GPR158: variants seen among roughly 807,000 people sequenced by gnomAD.
GPR158 encodes metabotropic glycine receptor.
A neutral mutation model predicts 78.2 loss-of-function variants in GPR158; 30 were observed. The observed-to-expected ratio is 0.38, with a 90% confidence interval of 0.29 to 0.52. The LOEUF (loss-of-function observed/expected upper bound fraction) is 0.52, where lower values mean the gene tolerates loss of function less well. GPR158 is among the 20% of genes least tolerant of loss of function. The pLI is 0.83. For synonymous variants in GPR158, 581 were observed against 591.1 expected, an observed-to-expected ratio of 0.98 and a Z score of 0.25; for missense variants, 1,463 against 1,523.5, an observed-to-expected ratio of 0.96 and a Z score of 0.66.
rs140936358 is a variant in GPR158 at position 25,326,862 on chromosome 10, G to T, written c.1009-69049G>T. On this transcript the variant is annotated intron_variant, in intron 2 of 10. Coordinates refer to ENST00000376351, the MANE Select transcript of GPR158 (RefSeq NM_020752.3). ...ACATTGTGCACTGTAAATACAGATG[G>T]TCACTGACGATTATTTGACTTATGG... is the stretch of plus-strand genomic sequence containing the variant. Among the ~76,000 whole-genome samples, 5 of 152,208 alleles carry T rather than the reference G, an allele frequency of 3.3e-5. No homozygotes were observed. In the East Asian group the frequency reaches 9.7e-4, roughly 29 times the overall value.
At chr10:25,366,613 CTTAG>C (rs1359195157) in intron 2 of GPR158, among the ~76,000 whole-genome samples, 6 of 151,548 alleles carry the variant, frequency 4.0e-5, no homozygotes, top group Non-Finnish European at 5.9e-5. Context: ...ATATACAATA[CTTAG>C]TTAATTAATG....
At chr10:25,452,907 A>C (rs1279755452) in intron 4 of GPR158, among the ~76,000 whole-genome samples, 1 of 152,180 alleles carries the variant, frequency 6.6e-6, no homozygotes, top group Non-Finnish European at 1.5e-5. Flanking sequence ...TAGCCCCTGC[A>C]GCCACCATTC....
intron 4 of GPR158, among the ~76,000 whole-genome samples, chr10:25,437,606 C>A (rs1361633): frequency 0.7 from 106,408 of 152,064 alleles, 38,232 homozygotes; most frequent in Non-Finnish European, 0.8. Flanking sequence ...AATATTAGAT[C>A]ATGCCCTAAC....
At chr10:25,221,268 T>C (rs1422703401) in intron 2 of GPR158, 111 bp downstream of exon 2, 2 of 608,390 alleles carry the variant, frequency 3.3e-6, no homozygotes, top group African/African-American at 1.9e-5. Flanking sequence ...AGAAAATCTA[T>C]GTAGGTCTCA....
rs148627110 is a variant in GPR158 at position 25,513,334 on chromosome 10, G to T, written c.1405-37642G>T. 3.5e-3 allele frequency among the ~76,000 whole-genome samples: 531 copies of T among 151,838 alleles called. 3 individuals carry two copies. Among genetic ancestry groups the T allele is most frequent in the African/African-American group, 0.012 (490 of 41,472 alleles). ...TTCTAGTTTTTGTGCATTCATAGTA[G>T]CCTTGAATGATCTTTTGTATTTCTG... On this transcript the variant is annotated intron_variant, in intron 5 of 10. Coordinates refer to ENST00000376351, the MANE Select transcript of GPR158 (RefSeq NM_020752.3).
intron 6 of GPR158, among the ~76,000 whole-genome samples, chr10:25,571,891 C>T (rs1342596539): frequency 6.6e-6 from 1 of 152,046 alleles, no homozygotes; most frequent in Non-Finnish European, 1.5e-5. Context: ...AATGCAATGG[C>T]CTTAGTCTAC....
chr10:25,426,569 T>TGG (rs1331846313), intron 4 of GPR158, among the ~76,000 whole-genome samples: 4 of 151,912 alleles, frequency 2.6e-5, no homozygotes, highest in African/African-American at 9.7e-5. Flanking sequence ...GGCCCAAGGA[T>TGG]GGGGAGAGGT....
At chr10:25,486,984 G>A (rs1301343906) in intron 5 of GPR158, among the ~76,000 whole-genome samples, 1 of 152,126 alleles carries the variant, frequency 6.6e-6, no homozygotes, top group Admixed American at 6.6e-5. Context: ...AGCAAATAAA[G>A]TGAATGTCTG....
At chr10:25,566,356 C>T (rs998730020) in intron 6 of GPR158, among the ~76,000 whole-genome samples, 3 of 152,102 alleles carry the variant, frequency 2.0e-5, no homozygotes, top group Non-Finnish European at 4.4e-5. Flanking sequence ...TTATTCATCC[C>T]GGACCGAAGT....
chr10:25,247,678 G>A (rs1225667540), intron 2 of GPR158, among the ~76,000 whole-genome samples: 1 of 150,700 alleles, frequency 6.6e-6, no homozygotes, highest in Non-Finnish European at 1.5e-5. Context: ...GTATTCCATG[G>A]TGTATATGTG....
At chr10:25,495,742 C>T (rs1588887139) in intron 5 of GPR158, among the ~76,000 whole-genome samples, 1 of 152,124 alleles carries the variant, frequency 6.6e-6, no homozygotes, top group East Asian at 1.9e-4. Flanking sequence ...GTGGAGATTC[C>T]CTAAAATTAT....
intron 9 of GPR158, 125 bp from the exon 10 acceptor site, chr10:25,596,518 G>T (rs974914682): frequency 1.2e-4 from 74 of 614,690 alleles, no homozygotes; most frequent in Admixed American, 2.8e-4. Flanking sequence ...TATATATATA[G>T]ATAGATAGAT....
chr10:25,309,736 G>A (rs188635759), intron 2 of GPR158, among the ~76,000 whole-genome samples: 5 of 152,152 alleles, frequency 3.3e-5, no homozygotes, highest in Non-Finnish European at 7.4e-5. Context: ...TAGTGAATAA[G>A]TCTCATGAGA....
chr10:25,450,944 A>C (rs921560488), intron 4 of GPR158, among the ~76,000 whole-genome samples: 3 of 150,718 alleles, frequency 2.0e-5, no homozygotes, highest in African/African-American at 4.9e-5. Context: ...ATTTCTAAAA[A>C]ATCCTTGGAA....
chr10:25,188,162 T>G (rs541930650), intron 1 of GPR158, among the ~76,000 whole-genome samples: 2 of 152,314 alleles, frequency 1.3e-5, no homozygotes, highest in Middle Eastern at 3.4e-3. Flanking sequence ...GAACATTCCA[T>G]GCTCATGGAT....
intron 2 of GPR158, among the ~76,000 whole-genome samples, chr10:25,358,506 G>C (rs941154491): frequency 6.6e-6 from 1 of 152,022 alleles, no homozygotes; most frequent in Non-Finnish European, 1.5e-5. Flanking sequence ...ATGTGTAGGT[G>C]AATATGTCTC....
At chr10:25,292,722 G>A (rs1854457521) in intron 2 of GPR158, among the ~76,000 whole-genome samples, 1 of 152,060 alleles carries the variant, frequency 6.6e-6, no homozygotes, top group Non-Finnish European at 1.5e-5. Flanking sequence ...TGCACAGAAA[G>A]TTGCTTTTAA....
At chr10:25,405,226 C>T (rs1413135431) in intron 3 of GPR158, among the ~76,000 whole-genome samples, 5 of 151,556 alleles carry the variant, frequency 3.3e-5, no homozygotes, top group Non-Finnish European at 7.4e-5. Context: ...TATCTAAGTC[C>T]AATTTAGAAA....
chr10:25,365,783 TA>T (rs1253869394), intron 2 of GPR158, among the ~76,000 whole-genome samples: 1 of 151,648 alleles, frequency 6.6e-6, no homozygotes, highest in Non-Finnish European at 1.5e-5. Flanking sequence ...AAGCACATAA[TA>T]AGTATACAGC....
Sources: gnomAD v4.1 joint callset for allele counts (sites outside exome capture counted in the v4.1 genomes callset) on GRCh38, gnomAD v4.1.1 for gene constraint, MANE v1.5 for transcripts, NCBI Gene and HGNC (gene_info 2026-07-23, HGNC 2026-07-21) for gene names.